FPGS: variants seen among roughly 807,000 people sequenced by gnomAD.
FPGS encodes folylpolyglutamate synthase.
FPGS carries 53 observed loss-of-function variants against 66.5 expected under a neutral mutation model. That is an observed-to-expected ratio of 0.80 (90% CI 0.64 to 1.00). The LOEUF is 1.00. Ranked by LOEUF, FPGS falls within the 50% of genes least tolerant of loss-of-function variation. The probability of loss-of-function intolerance (pLI) is 0.00; values close to 1 mark genes in which losing one functional copy is unlikely to be tolerated. For missense variants in FPGS, 702 were observed against 807.7 expected (o/e 0.87, Z 1.59); for synonymous variants, 348 against 350.9 (o/e 0.99, Z 0.09).
chr9:127,806,936 G>A (rs201254731), intron 4 of FPGS, 37 bp from the exon 5 acceptor site: 33 of 1,524,664 alleles, frequency 2.2e-5, no homozygotes, highest in African/African-American at 1.4e-4. Flanking sequence ...CAGGACGCTC[G>A]GGAAGGGAGT....
At position 127,813,593 on chromosome 9, in the gene FPGS, C is replaced by A. The variant is rs1460060678; in HGVS notation, c.1753C>A (p.Leu585Met). 6.5e-7 allele frequency: 1 copy of A among 1,533,512 alleles called. No homozygotes were observed. Among genetic ancestry groups the A allele is most frequent in the Non-Finnish European group, 8.8e-7 (1 of 1,138,248 alleles). 95.0% of individuals were successfully genotyped at this position (1,533,512 alleles called of 1,614,324 possible). ...GGVLKLLEPA[L>M]SQ ...TGTCCTGAAGCTGCTGGAGCCCGCA[C>A]TGTCCCAGTAGCCAAGGCCCGGGGT... The change falls in exon 15 of 15, where the codon CTG becomes ATG. Residue 585 changes from leucine (L) to methionine (M), a missense_variant. By Grantham distance (15) the Leu-to-Met change is conservative (BLOSUM62 2). Transcript: ENST00000373247.
rs1281817901 is a variant in FPGS, at chr9:127,802,949, C to T, written c.25C>T (p.Arg9Cys). 7 of 1,408,140 alleles carry T rather than the reference C, an allele frequency of 5.0e-6. No individual in the cohort carries two copies. Among genetic ancestry groups the T allele is most frequent in the Non-Finnish European group, 5.5e-6 (6 of 1,087,452 alleles). The allele number at this position is 1,408,140 out of a possible 1,614,324, so 87.2% of individuals were successfully genotyped here. A position where few individuals can be genotyped will look rare whatever the true frequency, so the allele number is the denominator to read the frequency against. The change falls in exon 1 of 15, where the codon CGC (arginine) becomes TGC (cysteine). Residue 9 changes from arginine to cysteine, a missense_variant. Physicochemically the swap from Arg to Cys is radical, Grantham distance 180. This residue lies in a region of FPGS where 111 missense variants were observed against 95.4 expected (regional missense o/e 1.16). Transcript: ENST00000373247. ...TATGTCGCGGGCGCGGAGCCACCTGCGCGCCGCTCTATTCCTGGCAGCGGC... is the reference window on the plus strand; with the variant it reads ...TATGTCGCGGGCGCGGAGCCACCTGTGCGCCGCTCTATTCCTGGCAGCGGC... MSRARSHL[R>C]AALFLAAASA... is the part of the protein sequence containing the mutation.
At position 127,808,217 on chromosome 9, in the gene FPGS, C is replaced by G; in HGVS notation, c.745-17C>G. The G allele has an allele frequency of 6.2e-7, 1 of 1,609,572 alleles. No homozygotes were observed. The highest frequency in any genetic ancestry group is 8.5e-7 in the Non-Finnish European group (1 of 1,175,946). On this transcript the variant is annotated splice_polypyrimidine_tract_variant and intron_variant, in intron 8 of 14. Transcript: ENST00000373247. Reference sequence around the variant, plus strand: ...GGATGCTAGGTAGCCCTTTCTCTCTCCTTCTTCCCTCCACAGCAAGGTGTC... The same window carrying G: ...GGATGCTAGGTAGCCCTTTCTCTCTGCTTCTTCCCTCCACAGCAAGGTGTC...
chr9:127,803,208 TG>T, intron 1 of FPGS, 146 bp downstream of exon 1: 1 of 885,106 alleles, frequency 1.1e-6, no homozygotes. Flanking sequence ...TCCTGGAGGC[TG>T]GGGGTGGGGA....
rs571996329 is a variant in FPGS at position 127,813,274 on chromosome 9, C to T, written c.1434C>T (p.Asp478=). 131 of 1,612,882 alleles carry T rather than the reference C, an allele frequency of 8.1e-5. No homozygotes were observed. The highest frequency in any genetic ancestry group is 6.7e-5 in the Admixed American group (4 of 59,976). The change falls in exon 15 of 15, where the codon GAC becomes GAT. Residue 478 remains aspartate, a synonymous_variant. Transcript: ENST00000373247. ...ACCAGCAGCACTGGAACCACCTGGA[C>T]GAAGAGCAGGCCAGCCCGGACCTCT... ...LEHQQHWNHL[D]EEQASPDLWS...
intron 14 of FPGS, 87 bp from the exon 15 acceptor site, chr9:127,813,108 G>A (rs1830150022): frequency 1.2e-5 from 18 of 1,493,036 alleles, no homozygotes; most frequent in Admixed American, 2.3e-5. Context: ...TGCGAAGCAG[G>A]TGCTCACGGT....
rs1588568516 is a variant in FPGS, at chr9:127,813,691, G to A, written c.*87G>A. ...ACATACTAGGTGCCTTTTGTTTTTG[G>A]CTTTCCTGGTTCTGTCTAGACTGGC... On this transcript the variant is annotated 3_prime_UTR_variant, in exon 15 of 15. Coordinates refer to ENST00000373247, the MANE Select transcript of FPGS (RefSeq NM_004957.6). 1 of 1,433,336 alleles carries A rather than the reference G, an allele frequency of 7.0e-7. No individual in the cohort carries two copies. The highest frequency in any genetic ancestry group is 9.1e-7 in the Non-Finnish European group (1 of 1,094,124). The allele number at this position is 1,433,336 out of a possible 1,614,324, so 88.8% of individuals were successfully genotyped here.
chr9:127,810,201 T>C (rs1054319042), intron 13 of FPGS, 95 bp downstream of exon 13: 1 of 1,057,232 alleles, frequency 9.5e-7, no homozygotes, highest in South Asian at 1.4e-5. Flanking sequence ...CCCCCTTGAG[T>C]TGTATTGAGG....
chr9:127,813,566 G>C lies in FPGS; in HGVS notation c.1726G>C (p.Gly576Arg), dbSNP rs753121731. ...LVTGSLHLVG[G>R]VLKLLEPALS... ...CACTGGCAGCCTGCACCTGGTGGGT[G>C]GTGTCCTGAAGCTGCTGGAGCCCGC... The change falls in exon 15 of 15, where the codon GGT becomes CGT. Residue 576 changes from glycine to arginine, a missense_variant. This residue lies in a region of FPGS where 351 missense variants were observed against 363.7 expected (regional missense o/e 0.97). Coordinates refer to ENST00000373247, the MANE Select transcript of FPGS (RefSeq NM_004957.6). 5 of 1,582,924 alleles carry C rather than the reference G, an allele frequency of 3.2e-6. No individual in the cohort carries two copies. In the South Asian group the frequency reaches 5.8e-5, roughly 18 times the overall value.
Position 127,811,017 on chromosome 9 carries a change from A to G in FPGS, c.1354+6A>G. On this transcript the variant is annotated splice_donor_region_variant and intron_variant, in intron 14 of 14. Transcript: ENST00000373247. ...GTCATCCACAGGCAACGCAGGTGAG[A>G]GGTGACAGGCATGGCCCCTGGGGAT... The G allele has an allele frequency of 6.3e-7, 1 of 1,576,958 alleles. No homozygotes were observed. The highest frequency in any genetic ancestry group is 8.6e-7 in the Non-Finnish European group (1 of 1,156,220).
chr9:127,808,965 TTGG>T, intron 11 of FPGS, 76 bp downstream of exon 11: 2 of 1,143,366 alleles, frequency 1.7e-6, no homozygotes, highest in Non-Finnish European at 2.5e-6. Flanking sequence ...TTTTTTTTTT[TTGG>T]TTTTCTGTTT....
chr9:127,814,226 GAGAAGA>G, downstream of FPGS: 1 of 890,808 alleles, frequency 1.1e-6, no homozygotes, highest in Non-Finnish European at 1.3e-6. Context: ...TCTGTGAGAT[GAGAAGA>G]AGACCAGACT....
At position 127,807,661 on chromosome 9, in the gene FPGS, C is replaced by T. The variant is rs540968727; in HGVS notation, c.717C>T (p.Ile239=). ...TSLLGDTVEK[I]AWQKGGIFKQ... ...TCCTGGGGGATACGGTGGAGAAGATCGCATGGCAGAAAGGGGGCATCTTTA... is the reference window on the plus strand; with the variant it reads ...TCCTGGGGGATACGGTGGAGAAGATTGCATGGCAGAAAGGGGGCATCTTTA... The change falls in exon 8 of 15, where the codon ATC becomes ATT. Residue 239 remains isoleucine, a synonymous_variant. Coordinates refer to ENST00000373247, the MANE Select transcript of FPGS (RefSeq NM_004957.6). This position sits in a 1 kb window ranked among gnomAD's most constrained non-coding sequence, Gnocchi z 5.8. 34 of 1,593,230 alleles carry T rather than the reference C, an allele frequency of 2.1e-5. No homozygotes were observed. Among genetic ancestry groups the T allele is most frequent in the African/African-American group, 8.2e-5 (6 of 73,514 alleles).
At chr9:127,804,164 A>G (rs1017931754) in intron 1 of FPGS, 121 bp from the exon 2 acceptor site, 4 of 1,291,244 alleles carry the variant, frequency 3.1e-6, no homozygotes, top group African/African-American at 3.0e-5. Context: ...CAGTGCTGGC[A>G]TGGCAGGCGG....
chr9:127,810,528 A>G (rs1169985337), intron 13 of FPGS, among the ~76,000 whole-genome samples: 1 of 151,774 alleles, frequency 6.6e-6, no homozygotes, highest in Non-Finnish European at 1.5e-5. Context: ...GCTTGGGGAA[A>G]CTGAGGCTGC....
intron 14 of FPGS, 34 bp downstream of exon 14, chr9:127,811,045 GC>G: frequency 7.1e-7 from 1 of 1,399,398 alleles, no homozygotes; most frequent in Non-Finnish European, 1.0e-6. Context: ...CTGGGGATGA[GC>G]AGGGGTCCCT....
intron 13 of FPGS, 87 bp from the exon 14 acceptor site, chr9:127,810,858 C>G: frequency 1.5e-6 from 1 of 689,184 alleles, no homozygotes; most frequent in Non-Finnish European, 2.6e-6. Flanking sequence ...GGCTGCATCT[C>G]CAGAGATGTG....
chr9:127,805,031 G>A (rs1037099754), intron 4 of FPGS, among the ~76,000 whole-genome samples: 1 of 151,854 alleles, frequency 6.6e-6, no homozygotes, highest in African/African-American at 2.4e-5. Context: ...TTGGATTACA[G>A]GCACCTGCCA....
intron 4 of FPGS, among the ~76,000 whole-genome samples, chr9:127,806,134 C>T (rs573630416): frequency 3.3e-5 from 5 of 151,486 alleles, no homozygotes; most frequent in East Asian, 3.9e-4. Context: ...TTTGGGAGGC[C>T]GAAGCAGGCA....
Sources: gnomAD v4.1 joint callset for allele counts (sites outside exome capture counted in the v4.1 genomes callset) on GRCh38, gnomAD v4.1.1 for gene constraint, gnomAD v4.1.1 regional missense constraint, Gnocchi (gnomAD v3.1) non-coding constraint, MANE v1.5 for transcripts, NCBI Gene and HGNC (gene_info 2026-07-23, HGNC 2026-07-21) for gene names.